The following KDM5D variants were observed in gnomAD, a reference collection of about 807,000 sequenced individuals.
The protein encoded by KDM5D is lysine demethylase 5D.
In KDM5D, 25 loss-of-function variants were observed where a neutral mutation model predicts 31.9. The ratio of observed to expected loss-of-function variants is 0.78; its 90% CI spans 0.57 to 1.09. The LOEUF (loss-of-function observed/expected upper bound fraction) is 1.09. Among genes scored for constraint, KDM5D ranks in the 50% least tolerant of loss-of-function variants. KDM5D has a pLI of 0.00. For synonymous variants in KDM5D, 146 were observed against 122.3 expected (o/e 1.19, Z -1.28); for missense variants, 366 against 341.6 (o/e 1.07, Z -0.56).
chrY:19,741,278 A>G (rs757129189), intron 5 of KDM5D, 40 bp downstream of exon 5: 1 of 359,626 alleles, frequency 2.8e-6, no homozygotes, highest in Non-Finnish European at 4.0e-6. Flanking sequence ...AAAAGAAAAC[A>G]AAATCACATC....
chrY:19,716,232 C>T (rs760559151), intron 15 of KDM5D, 47 bp downstream of exon 15: 1 of 342,958 alleles, frequency 2.9e-6, no homozygotes, highest in South Asian at 3.1e-5. Flanking sequence ...GTCTCTGTAA[C>T]GTAATATATG....
chrY:19,716,840 G>A, intron 13 of KDM5D, 125 bp from the exon 14 acceptor site: 1 of 182,369 alleles, frequency 5.5e-6, no homozygotes, highest in Admixed American at 1.1e-4. Flanking sequence ...CTTCAAGTAC[G>A]TGTCCTAAAA....
At chrY:19,733,808 G>A (rs2045488625) in intron 8 of KDM5D, among the ~76,000 whole-genome samples, 2 of 32,391 alleles carry the variant, frequency 6.2e-5, no homozygotes, top group African/African-American at 2.4e-4. Flanking sequence ...CCCTGGAAGC[G>A]GAGGTTGCAG....
At chrY:19,728,421 C>G in intron 11 of KDM5D, among the ~76,000 whole-genome samples, 1 of 32,930 alleles carries the variant, frequency 3.0e-5, no homozygotes. Flanking sequence ...TGCAATGGTG[C>G]GATCTCGGCT....
At chrY:19,740,047 AGGTGGATCAT>A (rs2045537283) in intron 5 of KDM5D, among the ~76,000 whole-genome samples, 2 of 32,904 alleles carry the variant, frequency 6.1e-5, no homozygotes, top group Non-Finnish European at 1.5e-4. Context: ...AGGTCGAGGC[AGGTGGATCAT>A]GGGGTCAAGA....
chrY:19,727,772 A>G, intron 11 of KDM5D, among the ~76,000 whole-genome samples: 2 of 33,206 alleles, frequency 6.0e-5, no homozygotes, highest in African/African-American at 1.2e-4. Flanking sequence ...AAGGTTTTCA[A>G]TATTAACTAG....
At chrY:19,742,782 G>A (rs769441400) in intron 3 of KDM5D, among the ~76,000 whole-genome samples, 1 of 33,086 alleles carries the variant, frequency 3.0e-5, no homozygotes, top group South Asian at 6.8e-4. Flanking sequence ...GCGAGATCCC[G>A]CCACTGCACT....
Position 19,715,804 on chromosome Y carries a change from A to C in KDM5D, c.2213+19T>G. On this transcript the variant is annotated intron_variant, in intron 16 of 26. Transcript: ENST00000317961. ...GCTCTAAAACCTCCTTCACGTCCCCACAGTGTTCCCATGCTCACCGGAGGT... is the reference window on the plus strand; with the variant it reads ...GCTCTAAAACCTCCTTCACGTCCCCCCAGTGTTCCCATGCTCACCGGAGGT... 2.5e-6 allele frequency: 1 copy of C among 398,651 alleles called. No individual in the cohort carries two copies. The highest frequency in any genetic ancestry group is 3.5e-6 in the Non-Finnish European group (1 of 283,357).
chrY:19,707,424 C>T lies in KDM5D; in HGVS notation c.3722G>A (p.Arg1241His). 2 of 394,589 alleles carry T rather than the reference C, an allele frequency of 5.1e-6. No individual in the cohort carries two copies. The highest frequency in any genetic ancestry group is 7.1e-6 in the Non-Finnish European group (2 of 281,237). Residue 1241 changes from arginine to histidine, a missense_variant, in exon 24 of 27, where the codon CGC (arginine) becomes CAC (histidine). Arg to His is a conservative substitution (Grantham distance 29, BLOSUM62 0). Coordinates refer to ENST00000317961, the MANE Select transcript of KDM5D (RefSeq NM_004653.5). ...CPLCMRSRRP[R>H]LETILALLVA... ...CAGCAAGGCTAGGATTGTCTCTAGG[C>T]GTGGCCGTCGTGAGCGCATACACAG... is the stretch of plus-strand genomic sequence containing the variant.
chrY:19,741,204 T>C, intron 5 of KDM5D, 114 bp downstream of exon 5: 1 of 182,757 alleles, frequency 5.5e-6, no homozygotes, highest in Non-Finnish European at 9.5e-6. Context: ...ATCTTCACTC[T>C]AGAGATTTAG....
Position 19,732,603 on chromosome Y carries a change from C to T in KDM5D, c.1073G>A (p.Cys358Tyr). The change falls in exon 9 of 27, where the codon TGC (cysteine) becomes TAC (tyrosine). Residue 358 changes from cysteine to tyrosine, a missense_variant. By Grantham distance (194) the Cys-to-Tyr change is radical. Transcript: ENST00000317961. The part of the protein sequence containing the change: ...LPEIPRGIWR[C>Y]PKCILAECKQ... ...TCTTACCGCCAAGATACATTTTGGG[C>T]ACCTCCAGATGCCTCTGGGGATTTC... 1 of 391,350 alleles carries T rather than the reference C, an allele frequency of 2.6e-6. No individual in the cohort carries two copies. Among genetic ancestry groups the T allele is most frequent in the South Asian group, 3.1e-5 (1 of 32,128 alleles).
intron 13 of KDM5D, among the ~76,000 whole-genome samples, 161 bp from the exon 14 acceptor site, chrY:19,716,876 G>A (rs13447367): frequency 5.9e-5 from 2 of 33,785 alleles, no homozygotes; most frequent in Non-Finnish European, 1.5e-4. Flanking sequence ...GAATTTAAAA[G>A]TGGTATTCAT....
Position 19,707,514 on chromosome Y carries a change from T to C in KDM5D, c.3632A>G (p.Lys1211Arg). Reference protein sequence around the residue: ...VSVPHLLTSPKPSLTSSPLLA... With the variant: ...VSVPHLLTSPRPSLTSSPLLA... ...CAGTGGAGATGAAGTGAGACTGGGC[T>C]TTGGAGAGGTGAGGAGATGGGGCAC... The change falls in exon 24 of 27, where the codon AAG becomes AGG. Residue 1211 changes from lysine (K) to arginine (R), a missense_variant. Coordinates refer to ENST00000317961, the MANE Select transcript of KDM5D (RefSeq NM_004653.5). 1 of 393,430 alleles carries C rather than the reference T, an allele frequency of 2.5e-6. No homozygotes were observed. Among genetic ancestry groups the C allele is most frequent in the Non-Finnish European group, 3.6e-6 (1 of 280,600 alleles).
intron 2 of KDM5D, among the ~76,000 whole-genome samples, chrY:19,743,557 A>G: frequency 3.1e-5 from 1 of 32,167 alleles, no homozygotes; most frequent in African/African-American, 1.2e-4. Flanking sequence ...ACACTATGCT[A>G]TTTGGGTTAT....
At position 19,707,377 on chromosome Y, in the gene KDM5D, C is replaced by G; in HGVS notation, c.3769G>C (p.Val1257Leu). The change falls in exon 24 of 27, where the codon GTG becomes CTG. Residue 1257 changes from valine (V) to leucine (L), a missense_variant. Physicochemically the swap from Val to Leu is conservative, Grantham distance 32 (BLOSUM62 1). Transcript: ENST00000317961. The stretch of plus-strand genomic sequence containing the variant: ...AGGGCCTCACCCTCAGGCAGCCGCA[C>G]GGGCAGCCTCTGCAGGGCAACCAGC... ...ALLVALQRLP[V>L]RLPEGEALQC... The G allele has an allele frequency of 2.5e-6, 1 of 397,221 alleles. No homozygotes were observed. Among genetic ancestry groups the G allele is most frequent in the Non-Finnish European group, 3.5e-6 (1 of 282,535 alleles).
At chrY:19,717,814 T>G (rs2124190182) in intron 13 of KDM5D, among the ~76,000 whole-genome samples, 1 of 33,803 alleles carries the variant, frequency 3.0e-5, no homozygotes, top group South Asian at 6.5e-4. Context: ...CTGCAAAGAC[T>G]GGGTAGTTAA....
chrY:19,730,405 T>A, intron 11 of KDM5D, among the ~76,000 whole-genome samples: 8 of 33,124 alleles, frequency 2.4e-4, no homozygotes, highest in Non-Finnish European at 3.7e-4. Context: ...GGATATTACT[T>A]AATACCATGC....
intron 9 of KDM5D, among the ~76,000 whole-genome samples, 195 bp downstream of exon 9, chrY:19,732,389 G>T (rs2045479403): frequency 3.2e-5 from 1 of 31,698 alleles, no homozygotes; most frequent in Non-Finnish European, 7.6e-5. Context: ...CTTGCCTCTG[G>T]TTCAGTCAAG....
intron 5 of KDM5D, 53 bp from the exon 6 acceptor site, chrY:19,739,715 T>C: frequency 7.1e-6 from 2 of 282,094 alleles, no homozygotes; most frequent in Middle Eastern, 1.8e-3. Flanking sequence ...TTGTAATAAG[T>C]GATTCCTTCA....
Sources: allele counts gnomAD v4.1 joint callset (sites outside exome capture counted in the v4.1 genomes callset), GRCh38; gene constraint gnomAD v4.1.1; transcripts MANE v1.5; gene names NCBI Gene and HGNC (gene_info 2026-07-23, HGNC 2026-07-21).